KCNMB2: variants seen among roughly 807,000 people sequenced by gnomAD.
KCNMB2 encodes calcium-activated potassium channel subunit beta-2.
In KCNMB2, 9 loss-of-function variants were observed where a neutral mutation model predicts 24.5. That is an observed-to-expected ratio of 0.37 (90% CI 0.22 to 0.64). The LOEUF (loss-of-function observed/expected upper bound fraction) is 0.64. Ranked by LOEUF, KCNMB2 falls within the 30% of genes least tolerant of loss-of-function variation. The pLI is 0.63. For missense variants in KCNMB2, 226 were observed against 284.3 expected, an observed-to-expected ratio of 0.79 and a Z score of 1.47; for synonymous variants, 109 against 104.4, an observed-to-expected ratio of 1.04 and a Z score of -0.27.
chr3:178,683,312 G>C (rs751100945), intron 1 of KCNMB2, among the ~76,000 whole-genome samples: 1 of 151,228 alleles, frequency 6.6e-6, no homozygotes, highest in Non-Finnish European at 1.5e-5. Context: ...TAAAGACTGG[G>C]GACTACTAGA....
intron 1 of KCNMB2, among the ~76,000 whole-genome samples, chr3:178,585,153 A>T (rs1405314593): frequency 6.6e-6 from 1 of 152,162 alleles, no homozygotes; most frequent in Non-Finnish European, 1.5e-5. Context: ...AACAGAAAGC[A>T]GATTATTCTC....
intron 1 of KCNMB2, among the ~76,000 whole-genome samples, chr3:178,708,127 T>C (rs1016179959): frequency 3.3e-5 from 5 of 152,156 alleles, no homozygotes; most frequent in Non-Finnish European, 7.4e-5. Context: ...AGTGTCTGCC[T>C]TAGGAGGATA....
chr3:178,796,866 C>A (rs1255151093), intron 1 of KCNMB2, among the ~76,000 whole-genome samples: 1 of 151,698 alleles, frequency 6.6e-6, no homozygotes, highest in African/African-American at 2.4e-5. Context: ...CAAACCAAAC[C>A]CATTCTTAAT....
At chr3:178,725,264 G>GT (rs971818749) in intron 1 of KCNMB2, among the ~76,000 whole-genome samples, 76 of 152,068 alleles carry the variant, frequency 5.0e-4, no homozygotes, top group African/African-American at 1.8e-3. Context: ...GTATTTGTAT[G>GT]TGTGTGTGGC....
At chr3:178,768,125 T>G (rs1712199647) in intron 1 of KCNMB2, among the ~76,000 whole-genome samples, 1 of 152,170 alleles carries the variant, frequency 6.6e-6, no homozygotes, top group East Asian at 1.9e-4. Context: ...CAAAGATTAT[T>G]TTAGCAAATA....
chr3:178,786,160 A>G (rs1304191199), intron 1 of KCNMB2, among the ~76,000 whole-genome samples: 1 of 152,194 alleles, frequency 6.6e-6, no homozygotes, highest in Non-Finnish European at 1.5e-5. Context: ...GAGAACACTG[A>G]GTTCAGTATG....
chr3:178,777,173 C>T (rs560281828), intron 1 of KCNMB2, among the ~76,000 whole-genome samples: 6 of 152,124 alleles, frequency 3.9e-5, no homozygotes, highest in East Asian at 1.9e-4. Flanking sequence ...CGGTGGCTCA[C>T]GCCTGTAATC....
intron 1 of KCNMB2, among the ~76,000 whole-genome samples, chr3:178,539,240 C>T (rs1442416950): frequency 1.3e-5 from 2 of 152,014 alleles, no homozygotes; most frequent in Non-Finnish European, 2.9e-5. Flanking sequence ...AATAAAGCTT[C>T]CAAAAATATT....
intron 1 of KCNMB2, among the ~76,000 whole-genome samples, chr3:178,681,059 G>A (rs1381216263): frequency 6.6e-6 from 1 of 152,172 alleles, no homozygotes; most frequent in African/African-American, 2.4e-5. Context: ...GCTTGCTAGA[G>A]CAGTGATTCC....
In KCNMB2 at chr3:178,825,678, C is replaced by T; in HGVS notation, c.147C>T (p.Leu49=). Residue 49 remains leucine (L), a synonymous_variant, in exon 3 of 5, where the codon CTC becomes CTT. Coordinates refer to ENST00000452583, the MANE Select transcript of KCNMB2 (RefSeq NM_181361.3). The part of the protein sequence containing the change: ...ALKAGEDRAI[L]LGLAMMVCSI... ...AGGCAGGAGAGGACCGAGCTATTCTCCTGGGACTGGCTATGATGGTGTGCT... is the reference window on the plus strand; with the variant it reads ...AGGCAGGAGAGGACCGAGCTATTCTTCTGGGACTGGCTATGATGGTGTGCT... The T allele has an allele frequency of 6.2e-7, 1 of 1,614,026 alleles. No individual in the cohort carries two copies. Among genetic ancestry groups the T allele is most frequent in the Non-Finnish European group, 8.5e-7 (1 of 1,179,924 alleles).
chr3:178,602,811 T>C (rs1718133499), intron 1 of KCNMB2, among the ~76,000 whole-genome samples: 1 of 152,158 alleles, frequency 6.6e-6, no homozygotes, highest in Non-Finnish European at 1.5e-5. Context: ...CAGCTGAGCC[T>C]ACCCCCAGCG....
chr3:178,704,162 C>T (rs1722200005), intron 1 of KCNMB2, among the ~76,000 whole-genome samples: 1 of 152,026 alleles, frequency 6.6e-6, no homozygotes, highest in Admixed American at 6.6e-5. Context: ...TTTCAAGTGT[C>T]ATTGTAAAAA....
intron 1 of KCNMB2, among the ~76,000 whole-genome samples, chr3:178,560,290 G>A (rs890961828): frequency 6.6e-6 from 1 of 152,198 alleles, no homozygotes; most frequent in Admixed American, 6.5e-5. Flanking sequence ...GATAAGAAAG[G>A]ATGAGAACCC....
At chr3:178,776,914 C>G (rs1712603556) in intron 1 of KCNMB2, among the ~76,000 whole-genome samples, 1 of 152,100 alleles carries the variant, frequency 6.6e-6, no homozygotes, top group South Asian at 2.1e-4. Context: ...CAACCTTCAT[C>G]AGTAAAATAG....
chr3:178,798,042 C>T (rs1241308408), intron 1 of KCNMB2, among the ~76,000 whole-genome samples: 3 of 152,216 alleles, frequency 2.0e-5, no homozygotes, highest in South Asian at 2.1e-4. Context: ...TGGGCTGAGA[C>T]GATGGGGTTT....
intron 1 of KCNMB2, among the ~76,000 whole-genome samples, chr3:178,617,889 TAA>T (rs3052262): frequency 0.1 from 10,220 of 99,136 alleles, 360 homozygotes; most frequent in Middle Eastern, 0.13. Context: ...AGACTCTGTC[TAA>T]AAAAAAAAAA....
rs1197593705 is a variant in KCNMB2, at chr3:178,828,575, T to C, written c.423+202T>C. On this transcript the variant is annotated intron_variant, in intron 4 of 4. Coordinates refer to ENST00000452583, the MANE Select transcript of KCNMB2 (RefSeq NM_181361.3). ...GTGCAAGTTGTGGACAAATCATTCC[T>C]ACATTTGTGGTAGTGCAGATTTAGC... is the stretch of plus-strand genomic sequence containing the variant. 2.6e-5 allele frequency among the ~76,000 whole-genome samples: 4 copies of C among 152,222 alleles called. No individual in the cohort carries two copies. In the East Asian group the frequency reaches 5.8e-4, roughly 22 times the overall value.
At chr3:178,551,091 G>A (rs549856505) in intron 1 of KCNMB2, among the ~76,000 whole-genome samples, 2 of 152,284 alleles carry the variant, frequency 1.3e-5, no homozygotes, top group Admixed American at 1.3e-4. Context: ...TGGTGAGGAT[G>A]CAGATTTTTC....
chr3:178,634,726 C>G (rs1031791775), intron 1 of KCNMB2, among the ~76,000 whole-genome samples: 2 of 152,164 alleles, frequency 1.3e-5, no homozygotes, highest in Non-Finnish European at 2.9e-5. Context: ...AAGTGAACAG[C>G]TGCCATCTTT....
Sources: allele counts gnomAD v4.1 joint callset (sites outside exome capture counted in the v4.1 genomes callset), GRCh38; gene constraint gnomAD v4.1.1; transcripts MANE v1.5; gene names NCBI Gene and HGNC (gene_info 2026-07-23, HGNC 2026-07-21).